The following LAMA2 variants were observed in gnomAD, a reference collection of about 807,000 sequenced individuals.
LAMA2 encodes laminin subunit alpha 2.
LAMA2 carries 269 observed loss-of-function variants against 364.8 expected under a neutral mutation model. That is an observed-to-expected ratio of 0.74 (90% CI 0.67 to 0.82). The LOEUF is 0.82. Ranked by LOEUF, LAMA2 falls within the 40% of genes least tolerant of loss-of-function variation. The pLI is 0.00. For missense variants in LAMA2, 3,807 were observed against 3,873.2 expected (o/e 0.98, Z 0.45); for synonymous variants, 1,379 against 1,370.6 (o/e 1.01, Z -0.14).
At chr6:129,172,159 CCTT>C (rs1376227786) in intron 9 of LAMA2, among the ~76,000 whole-genome samples, 8 of 152,066 alleles carry the variant, frequency 5.3e-5, no homozygotes, top group Middle Eastern at 3.4e-3. Flanking sequence ...TCGTCTGAAG[CCTT>C]CTTCTCTCAG....
At chr6:128,975,095 G>T (rs969126502) in intron 1 of LAMA2, among the ~76,000 whole-genome samples, 3 of 151,958 alleles carry the variant, frequency 2.0e-5, no homozygotes, top group African/African-American at 7.3e-5. Flanking sequence ...CTCGTGATCC[G>T]CCTGCCTCTG....
chr6:129,243,649 T>A (rs1785535899), intron 12 of LAMA2, among the ~76,000 whole-genome samples: 1 of 152,016 alleles, frequency 6.6e-6, no homozygotes, highest in African/African-American at 2.4e-5. Context: ...TCATCACTAC[T>A]TTTTATACTT....
chr6:129,019,848 C>G (rs540225817), intron 1 of LAMA2, among the ~76,000 whole-genome samples: 66 of 152,262 alleles, frequency 4.3e-4, no homozygotes, highest in African/African-American at 1.5e-3. Flanking sequence ...TTCTGTGAGG[C>G]TGAGGCAGGC....
intron 51 of LAMA2, among the ~76,000 whole-genome samples, chr6:129,470,003 T>C (rs967704813): frequency 2.0e-5 from 3 of 151,888 alleles, no homozygotes; most frequent in African/African-American, 4.8e-5. Context: ...TCTGGGGTGA[T>C]GGATGTGTTC....
intron 1 of LAMA2, among the ~76,000 whole-genome samples, chr6:128,960,328 CTTTT>C (rs372898589): frequency 1.5e-5 from 2 of 133,216 alleles, no homozygotes; most frequent in East Asian, 2.3e-4. Context: ...TTTGATTACT[CTTTT>C]TTTTTTTTTC....
intron 1 of LAMA2, among the ~76,000 whole-genome samples, chr6:129,008,845 G>A (rs1435630424): frequency 1.3e-5 from 2 of 152,106 alleles, no homozygotes; most frequent in Non-Finnish European, 2.9e-5. Context: ...GATTCACACA[G>A]CATCAACTTA....
At chr6:129,359,309 A>G (rs1348946603) in intron 32 of LAMA2, among the ~76,000 whole-genome samples, 1 of 148,924 alleles carries the variant, frequency 6.7e-6, no homozygotes, top group Non-Finnish European at 1.5e-5. Flanking sequence ...ATATATACAT[A>G]TAAAACACAT....
chr6:129,052,079 A>G (rs2114779126), intron 2 of LAMA2, among the ~76,000 whole-genome samples: 1 of 151,034 alleles, frequency 6.6e-6, no homozygotes, highest in South Asian at 2.1e-4. Flanking sequence ...GTGAACTATG[A>G]TGGGGGTAAA....
intron 34 of LAMA2, among the ~76,000 whole-genome samples, chr6:129,372,959 TATTTAGGTCTTTTTCCATTTTTTC>T (rs1320419928): frequency 6.6e-6 from 1 of 152,246 alleles, no homozygotes; most frequent in Non-Finnish European, 1.5e-5. Context: ...GTAAGGTGTC[TATTTAGGTCTTTTTCCATTTTTTC>T]ATTGGGTTGT....
chr6:129,173,188 G>T lies in LAMA2; in HGVS notation c.1307-4518G>T, dbSNP rs568812362. Among the ~76,000 whole-genome samples, 33 of 152,322 alleles carry T rather than the reference G, an allele frequency of 2.2e-4. No homozygotes were observed. In the South Asian group the frequency reaches 6.8e-3, roughly 32 times the overall value. On this transcript the variant is annotated intron_variant, in intron 9 of 64. Coordinates refer to ENST00000421865, the MANE Select transcript of LAMA2 (RefSeq NM_000426.4). ...GAGCTGTTCCTATTGGGCCATGTTG[G>T]CTCCTCTCCCCGATTCAGTTTTTTA...
chr6:129,267,281 A>G (rs901560516), intron 16 of LAMA2, 62 bp downstream of exon 16: 6 of 1,089,018 alleles, frequency 5.5e-6, no homozygotes, highest in East Asian at 4.7e-5. Flanking sequence ...GACAGATGCT[A>G]CAATTCAGCT....
intron 4 of LAMA2, among the ~76,000 whole-genome samples, chr6:129,132,154 A>T (rs1777518195): frequency 6.7e-6 from 1 of 149,446 alleles, no homozygotes; most frequent in South Asian, 2.1e-4. Flanking sequence ...GCTAGAAAGA[A>T]CTCTGACCTT....
At chr6:129,302,105 A>G (rs1773587271) in intron 22 of LAMA2, among the ~76,000 whole-genome samples, 1 of 152,160 alleles carries the variant, frequency 6.6e-6, no homozygotes, top group African/African-American at 2.4e-5. Context: ...TTTGCTGTGA[A>G]CATTAGCATA....
chr6:129,226,975 G>A (rs1784341225), intron 12 of LAMA2, among the ~76,000 whole-genome samples: 2 of 152,096 alleles, frequency 1.3e-5, no homozygotes, highest in Non-Finnish European at 2.9e-5. Context: ...ACCCAATCAG[G>A]CATAGATTTG....
intron 4 of LAMA2, among the ~76,000 whole-genome samples, chr6:129,125,839 T>C (rs1253766380): frequency 6.6e-6 from 1 of 152,186 alleles, no homozygotes; most frequent in Admixed American, 6.5e-5. Context: ...AATGGGTATG[T>C]TACTAGCTTA....
intron 14 of LAMA2, among the ~76,000 whole-genome samples, chr6:129,260,230 A>G (rs532960467): frequency 7.2e-5 from 11 of 152,238 alleles, no homozygotes; most frequent in African/African-American, 2.6e-4. Flanking sequence ...CCAACTACAA[A>G]CAAGCAGATT....
At chr6:129,128,082 G>T (rs1382079141) in intron 4 of LAMA2, among the ~76,000 whole-genome samples, 1 of 152,116 alleles carries the variant, frequency 6.6e-6, no homozygotes, top group African/African-American at 2.4e-5. Context: ...CCAGATCAAT[G>T]TCATATACTT....
chr6:129,275,821 G>C (rs182236896), intron 17 of LAMA2, among the ~76,000 whole-genome samples: 198 of 151,472 alleles, frequency 1.3e-3, no homozygotes, highest in African/African-American at 4.5e-3. Flanking sequence ...AGTATAAAAG[G>C]GTTTATCAAA....
chr6:129,329,797 G>A (rs1775523726), intron 29 of LAMA2, among the ~76,000 whole-genome samples: 1 of 152,194 alleles, frequency 6.6e-6, no homozygotes, highest in African/African-American at 2.4e-5. Context: ...TGGGCCACAG[G>A]AGGATATTGG....
Sources: allele counts gnomAD v4.1 joint callset (sites outside exome capture counted in the v4.1 genomes callset), GRCh38; gene constraint gnomAD v4.1.1; transcripts MANE v1.5; gene names NCBI Gene and HGNC (gene_info 2026-07-23, HGNC 2026-07-21).